SYNE3: variants seen among roughly 807,000 people sequenced by gnomAD.
The protein encoded by SYNE3 is spectrin repeat containing nuclear envelope family member 3.
In SYNE3, 100 loss-of-function variants were observed where a neutral mutation model predicts 111.2. The ratio of observed to expected loss-of-function variants is 0.90; its 90% confidence interval spans 0.77 to 1.06. The LOEUF (loss-of-function observed/expected upper bound fraction) is 1.06, where lower values mean the gene tolerates loss of function less well. Among genes scored for constraint, SYNE3 ranks in the 50% least tolerant of loss-of-function variants. The pLI is 0.00. For missense variants in SYNE3, 1,160 were observed against 1,240.3 expected (o/e 0.94, Z 0.97); for synonymous variants, 547 against 533.9 (o/e 1.02, Z -0.34).
intron 1 of SYNE3, among the ~76,000 whole-genome samples, chr14:95,490,533 C>G (rs1889798460): frequency 6.6e-6 from 1 of 152,230 alleles, no homozygotes; most frequent in African/African-American, 2.4e-5. Context: ...CATGCAGAGC[C>G]AAGATTGAAC....
At chr14:95,475,968 G>T in intron 1 of SYNE3, 133 bp from the exon 2 acceptor site, 1 of 865,780 alleles carries the variant, frequency 1.2e-6, no homozygotes, top group Non-Finnish European at 1.6e-6. Context: ...GGGCAATATG[G>T]CCAGAGGTGA....
intron 1 of SYNE3, among the ~76,000 whole-genome samples, chr14:95,479,240 A>AG (rs1259281926): frequency 2.0e-5 from 3 of 151,366 alleles, no homozygotes; most frequent in African/African-American, 7.3e-5. Context: ...AAAAAAAAAA[A>AG]AAAAAAAAAA....
chr14:95,423,482 G>A (rs189426276), intron 17 of SYNE3, among the ~76,000 whole-genome samples: 5 of 151,850 alleles, frequency 3.3e-5, no homozygotes, highest in African/African-American at 1.2e-4. Flanking sequence ...TGCTGATAGG[G>A]GCACGGGGAT....
chr14:95,449,875 C>G, intron 8 of SYNE3, 56 bp downstream of exon 8: 1 of 1,528,054 alleles, frequency 6.5e-7, no homozygotes, highest in South Asian at 1.2e-5. Flanking sequence ...GACTGAAACA[C>G]CATGCCCCGC....
chr14:95,513,110 A>G lies in SYNE3; in HGVS notation c.-15+3486T>C, dbSNP rs575444240. ...AAGGCATGTATAAAACATACATGTA[A>G]TTAGCCAGTAACTACAAAGTGATCT... is the stretch of plus-strand genomic sequence containing the variant. On this transcript the variant is annotated intron_variant, in intron 1 of 17. Transcript: ENST00000682763. 2.0e-4 allele frequency among the ~76,000 whole-genome samples: 30 copies of G among 152,300 alleles called. No homozygotes were observed. In the South Asian group the frequency reaches 3.3e-3, roughly 17 times the overall value.
At chr14:95,504,017 T>C (rs1263680887) in intron 1 of SYNE3, among the ~76,000 whole-genome samples, 1 of 152,212 alleles carries the variant, frequency 6.6e-6, no homozygotes, top group Non-Finnish European at 1.5e-5. Context: ...AACAGGAGGC[T>C]GCAAACCATG....
intron 11 of SYNE3, 149 bp downstream of exon 11, chr14:95,443,006 T>C (rs1380510847): frequency 9.8e-7 from 1 of 1,021,720 alleles, no homozygotes; most frequent in South Asian, 1.7e-5. Flanking sequence ...TTGTCTGTTG[T>C]ATGAATGAGG....
At chr14:95,457,683 G>A (rs749523855) in intron 4 of SYNE3, among the ~76,000 whole-genome samples, 28 of 152,196 alleles carry the variant, frequency 1.8e-4, no homozygotes, top group Non-Finnish European at 3.4e-4. Context: ...ACATCACACT[G>A]TCATTCTGAG....
At chr14:95,449,283 A>G (rs927088041) in intron 8 of SYNE3, among the ~76,000 whole-genome samples, 2 of 137,872 alleles carry the variant, frequency 1.5e-5, no homozygotes, top group East Asian at 4.2e-4. Context: ...ATCCTTGCCG[A>G]TGATTGGGCC....
chr14:95,410,016 G>A lies in SYNE3; in HGVS notation c.*7810C>T, dbSNP rs933598799. 1 of 154,698 alleles carries A rather than the reference G, an allele frequency of 6.5e-6. No individual in the cohort carries two copies. Among genetic ancestry groups the A allele is most frequent in the East Asian group, 1.9e-4 (1 of 5,222 alleles). 9.6% of individuals were successfully genotyped at this position (154,698 alleles called of 1,614,324 possible). On this transcript the variant is annotated 3_prime_UTR_variant, in exon 18 of 18. Transcript: ENST00000682763. The stretch of plus-strand genomic sequence containing the variant: ...TGCCTGGGCTGAATCCAAACACAAA[G>A]AAAGTGTTCAAAAGCTTAGCCCTGG...
rs1595160870 is a variant in SYNE3, at chr14:95,408,974, C to A, written c.*8852G>T. On this transcript the variant is annotated 3_prime_UTR_variant, in exon 18 of 18. Transcript: ENST00000682763. ...GGACCTCATCCTGGTGTTGCCAGCT[C>A]CCTTCAGCGGTGGGAGTCAACGGAC... The A allele has an allele frequency of 5.5e-6, 2 of 364,684 alleles. No homozygotes were observed. The highest frequency in any genetic ancestry group is 1.5e-4 in the East Asian group (2 of 13,608). The allele number at this position is 364,684 out of a possible 1,614,324, so 22.6% of individuals were successfully genotyped here. A position where few individuals can be genotyped will look rare whatever the true frequency, so the allele number is the denominator to read the frequency against.
At chr14:95,471,435 T>C (rs1008547430) in intron 2 of SYNE3, among the ~76,000 whole-genome samples, 1 of 152,156 alleles carries the variant, frequency 6.6e-6, no homozygotes, top group Non-Finnish European at 1.5e-5. Context: ...CCCACTGCCT[T>C]TTCAAGGGAG....
intron 17 of SYNE3, among the ~76,000 whole-genome samples, chr14:95,423,196 C>A (rs945846303): frequency 2.6e-5 from 4 of 152,118 alleles, no homozygotes; most frequent in Admixed American, 2.0e-4. Flanking sequence ...ATGGGACGAT[C>A]TGAGCTGGCC....
intron 2 of SYNE3, among the ~76,000 whole-genome samples, chr14:95,473,329 C>A (rs939832438): frequency 7.9e-5 from 12 of 151,990 alleles, no homozygotes; most frequent in Admixed American, 7.2e-4. Flanking sequence ...ACCAGAACCA[C>A]CACCTGGAGG....
chr14:95,498,968 G>A (rs1395992744), intron 1 of SYNE3, among the ~76,000 whole-genome samples: 2 of 152,134 alleles, frequency 1.3e-5, no homozygotes, highest in Non-Finnish European at 1.5e-5. Context: ...AGAACCATTC[G>A]AATCTCACTT....
chr14:95,443,234 A>G lies in SYNE3; in HGVS notation c.1832T>C (p.Leu611Pro), dbSNP rs368962250. The G allele has an allele frequency of 1.2e-5, 19 of 1,614,116 alleles. No homozygotes were observed. Among genetic ancestry groups the G allele is most frequent in the Middle Eastern group, 1.6e-4 (1 of 6,082 alleles). The change falls in exon 11 of 18, where the codon CTG becomes CCG. Residue 611 changes from leucine (L) to proline (P), a missense_variant. Coordinates refer to ENST00000682763, the MANE Select transcript of SYNE3 (RefSeq NM_152592.6). ...CTGGTGGTTGGGGTTCTCCTGGACC[A>G]GAGGCCTTGCAGCCTCCATCTGTGC... Reference protein sequence around the residue: ...LGAQMEAARPLVQENPNHQHK... With the variant: ...LGAQMEAARPPVQENPNHQHK...
chr14:95,485,035 T>C lies in SYNE3; in HGVS notation c.-14-9200A>G, dbSNP rs1889470385. 6.6e-6 allele frequency among the ~76,000 whole-genome samples: 1 copy of C among 152,162 alleles called. No homozygotes were observed. The highest frequency in any genetic ancestry group is 2.4e-5 in the African/African-American group (1 of 41,424). On this transcript the variant is annotated intron_variant, in intron 1 of 17. Coordinates refer to ENST00000682763, the MANE Select transcript of SYNE3 (RefSeq NM_152592.6). The surrounding 1 kb of genome is among the most constrained non-coding windows in gnomAD (Gnocchi z 4.3). ...AGTATTTAGGTAACGTTGACACTGCTGCTCCAGGACCTCACTTTGAGAACC... is the reference window on the plus strand; with the variant it reads ...AGTATTTAGGTAACGTTGACACTGCCGCTCCAGGACCTCACTTTGAGAACC...
At chr14:95,430,808 G>T (rs1388913542) in intron 17 of SYNE3, among the ~76,000 whole-genome samples, 1 of 144,700 alleles carries the variant, frequency 6.9e-6, no homozygotes, top group Non-Finnish European at 1.5e-5. Context: ...TGTGTGACAG[G>T]AGACTCTGTC....
In SYNE3 at chr14:95,407,427, T is replaced by C. The variant is rs1399274471; in HGVS notation, c.*10399A>G. The C allele has an allele frequency of 2.0e-5, 3 of 152,282 alleles. No individual in the cohort carries two copies. Among genetic ancestry groups the C allele is most frequent in the Non-Finnish European group, 4.4e-5 (3 of 68,020 alleles). 9.4% of individuals were successfully genotyped at this position (152,282 alleles called of 1,614,324 possible). Reference sequence around the variant, plus strand: ...AAAACGTCAATGCAACTTTAAAATATAGCACTAAGAAGAAACTCCGGGGTC... The same window carrying C: ...AAAACGTCAATGCAACTTTAAAATACAGCACTAAGAAGAAACTCCGGGGTC... On this transcript the variant is annotated 3_prime_UTR_variant, in exon 18 of 18. Transcript: ENST00000682763.
Sources: gnomAD v4.1 joint callset for allele counts (sites outside exome capture counted in the v4.1 genomes callset) on GRCh38, gnomAD v4.1.1 for gene constraint, Gnocchi (gnomAD v3.1) non-coding constraint, MANE v1.5 for transcripts, NCBI Gene and HGNC (gene_info 2026-07-23, HGNC 2026-07-21) for gene names.